LRP2: variants seen among roughly 807,000 people sequenced by gnomAD.
LRP2 encodes the protein LDL receptor related protein 2.
LRP2 carries 172 observed loss-of-function variants against 531.0 expected under a neutral mutation model. The observed-to-expected ratio is 0.32, with a 90% CI of 0.29 to 0.37. LRP2 has a LOEUF of 0.37. Ranked by LOEUF, LRP2 falls within the 10% of genes least tolerant of loss-of-function variation. The pLI, the probability that LRP2 is intolerant of heterozygous loss-of-function variation, is 1.00. For synonymous variants in LRP2, 1,992 were observed against 2,027.6 expected (o/e 0.98, Z 0.47); for missense variants, 5,167 against 5,868.3 (o/e 0.88, Z 3.90).
intron 63 of LRP2, among the ~76,000 whole-genome samples, chr2:169,158,131 G>T (rs11901315): frequency 0.014 from 2,087 of 150,384 alleles, 44 homozygotes; most frequent in African/African-American, 0.047. Context: ...GTTGACCAGG[G>T]TGCAGTAAAA....
intron 65 of LRP2, among the ~76,000 whole-genome samples, chr2:169,155,010 G>A (rs1686280843): frequency 6.6e-6 from 1 of 152,154 alleles, no homozygotes; most frequent in African/African-American, 2.4e-5. Context: ...AAGTTTACCA[G>A]AAAAGTCTCA....
At position 169,154,473 on chromosome 2, in the gene LRP2, C is replaced by T. The variant is rs750609040; in HGVS notation, c.12282G>A (p.Lys4094=). Residue 4094 remains lysine (K), a synonymous_variant, in exon 66 of 79, where the codon AAG becomes AAA. Transcript: ENST00000649046. ...GTTTATACTCACTGAGGCCTATGTC[C>T]TTGGGATCCCAATCATAATCAACAG... The part of the protein sequence containing the change: ...IQAVDYDWDP[K]DIGLSVVYYT... 28 of 1,612,424 alleles carry T rather than the reference C, an allele frequency of 1.7e-5. No homozygotes were observed. In the Admixed American group the frequency reaches 4.7e-4, roughly 27 times the overall value.
chr2:169,266,354 C>T, intron 16 of LRP2, among the ~76,000 whole-genome samples: 1 of 151,990 alleles, frequency 6.6e-6, no homozygotes, highest in East Asian at 1.9e-4. Context: ...CTGTTCCCTC[C>T]CCAGAGCAGG....
At chr2:169,284,357 C>T (rs893090918) in intron 9 of LRP2, among the ~76,000 whole-genome samples, 41 of 146,978 alleles carry the variant, frequency 2.8e-4, no homozygotes, top group Non-Finnish European at 3.4e-4. Context: ...CTCCGCCTCC[C>T]GGGTTCAAGT....
intron 33 of LRP2, among the ~76,000 whole-genome samples, chr2:169,221,792 G>T (rs1049479575): frequency 6.6e-6 from 1 of 151,772 alleles, no homozygotes; most frequent in Non-Finnish European, 1.5e-5. Flanking sequence ...TTGGACTAAG[G>T]TAGCTTTTCT....
rs138070797 is a variant in LRP2 at position 169,226,426 on chromosome 2, T to C, written c.5390A>G (p.Asn1797Ser). ...TGAATGTTATTCAAAACTTACTGGATTTTCAACCCAATAGATGTATTGCTC... is the reference window on the plus strand; with the variant it reads ...TGAATGTTATTCAAAACTTACTGGACTTTCAACCCAATAGATGTATTGCTC... ...DAEQYIYWVE[N>S]PGEIHRVKTD... Residue 1797 changes from asparagine to serine, a missense_variant, in exon 32 of 79, where the codon AAT becomes AGT. Coordinates refer to ENST00000649046, the MANE Select transcript of LRP2 (RefSeq NM_004525.3). 2.8e-3 allele frequency: 4,530 copies of C among 1,612,768 alleles called. 17 individuals are homozygous for C. The highest frequency in any genetic ancestry group is 3.0e-3 in the Non-Finnish European group (3,563 of 1,178,986).
At chr2:169,191,005 A>T (rs778208917) in intron 48 of LRP2, among the ~76,000 whole-genome samples, 3 of 152,244 alleles carry the variant, frequency 2.0e-5, no homozygotes, top group Non-Finnish European at 2.9e-5. Flanking sequence ...ACAATGGAAC[A>T]TTGCAGGAGA....
rs370250402 is a variant in LRP2, at chr2:169,197,763, G to A, written c.8579-733C>T. Among the ~76,000 whole-genome samples, 88 of 152,296 alleles carry A rather than the reference G, an allele frequency of 5.8e-4. 1 individual carries two copies. The highest frequency in any genetic ancestry group is 1.9e-3 in the African/African-American group (81 of 41,574). ...GAAAAGTCAGCAATAATTCCTATCT[G>A]TCTAGCCCTATCTGGTGGCTGCAAC... On this transcript the variant is annotated intron_variant, in intron 45 of 78. Coordinates refer to ENST00000649046, the MANE Select transcript of LRP2 (RefSeq NM_004525.3).
At chr2:169,167,480 G>C (rs1279147785) in intron 61 of LRP2, among the ~76,000 whole-genome samples, 15 of 152,124 alleles carry the variant, frequency 9.9e-5, no homozygotes, top group Non-Finnish European at 1.5e-4. Context: ...TGACACTTTA[G>C]TTTGCATCAG....
chr2:169,137,387 C>T lies in LRP2; in HGVS notation c.13620+5G>A, dbSNP rs868328957. On this transcript the variant is annotated splice_donor_5th_base_variant and intron_variant, in intron 76 of 78. Transcript: ENST00000649046. ...ACTGAAAGAAAAGACTGTATGGTTT[C>T]TCACCTGGATTGGCTGAACCACTTT... The T allele has an allele frequency of 3.1e-5, 50 of 1,599,016 alleles. No homozygotes were observed. The highest frequency in any genetic ancestry group is 4.2e-5 in the Non-Finnish European group (49 of 1,166,358).
intron 4 of LRP2, among the ~76,000 whole-genome samples, chr2:169,299,655 G>T (rs1326742324): frequency 6.6e-6 from 1 of 152,092 alleles, no homozygotes; most frequent in South Asian, 2.1e-4. Context: ...CTTCTAAGGG[G>T]TAAACAAATG....
At chr2:169,297,554 C>T (rs1443473901) in intron 4 of LRP2, among the ~76,000 whole-genome samples, 1 of 152,200 alleles carries the variant, frequency 6.6e-6, no homozygotes, top group East Asian at 1.9e-4. Flanking sequence ...CTTCCTCATA[C>T]CACTCCTTGC....
Position 169,157,221 on chromosome 2 carries a change from T to C in LRP2, c.12019+150A>G. Reference sequence around the variant, plus strand: ...ATGCATGCAGGTGGGGGAAAGCAATTCTTGAGTAGTTTAATGACCTAGAAC... The same window carrying C: ...ATGCATGCAGGTGGGGGAAAGCAATCCTTGAGTAGTTTAATGACCTAGAAC... On this transcript the variant is annotated intron_variant, in intron 64 of 78. Transcript: ENST00000649046. The C allele has an allele frequency of 6.2e-6, 5 of 812,398 alleles. No individual in the cohort carries two copies. The South Asian group carries it at 9.1e-5, about 15-fold the overall frequency. The allele number at this position is 812,398 out of a possible 1,614,324, so 50.3% of individuals were successfully genotyped here. A position where few individuals can be genotyped will look rare whatever the true frequency, so the allele number is the denominator to read the frequency against.
Position 169,137,511 on chromosome 2 carries a change from A to AAGAGAGAG in LRP2, c.13519-26_13519-19dup. 7.8e-7 allele frequency: 1 copy of AAGAGAGAG among 1,275,216 alleles called. No individual in the cohort carries two copies. The highest frequency in any genetic ancestry group is 1.1e-6 in the Non-Finnish European group (1 of 879,044). The allele number at this position is 1,275,216 out of a possible 1,614,324, so 79.0% of individuals were successfully genotyped here. On this transcript the variant is annotated intron_variant, in intron 75 of 78. Transcript: ENST00000649046. The stretch of plus-strand genomic sequence containing the variant: ...TCTTCACTCTGATGGCAGAGACAGA[A>AAGAGAGAG]AGAGAGAGAGAGAGAGAGAGAGAAA...
chr2:169,340,593 C>T (rs1457266272), intron 1 of LRP2, among the ~76,000 whole-genome samples: 2 of 152,136 alleles, frequency 1.3e-5, no homozygotes, highest in African/African-American at 4.8e-5. Context: ...CACTACCTGG[C>T]ATAGAGAAAG....
chr2:169,234,935 G>A (rs1240578451), intron 29 of LRP2, among the ~76,000 whole-genome samples: 1 of 149,824 alleles, frequency 6.7e-6, no homozygotes, highest in African/African-American at 2.4e-5. Context: ...TTGAAAACAG[G>A]GTCTCACTTT....
At chr2:169,194,938 T>A (rs997865004) in intron 46 of LRP2, among the ~76,000 whole-genome samples, 2 of 151,768 alleles carry the variant, frequency 1.3e-5, no homozygotes, top group African/African-American at 4.8e-5. Flanking sequence ...CTCGATCTCT[T>A]GACCTTGTGA....
At chr2:169,223,082 T>C (rs543824300) in intron 33 of LRP2, among the ~76,000 whole-genome samples, 64 of 152,188 alleles carry the variant, frequency 4.2e-4, no homozygotes, top group Non-Finnish European at 6.9e-4. Context: ...ATATCCAGGA[T>C]CAACTGATCC....
intron 1 of LRP2, among the ~76,000 whole-genome samples, chr2:169,342,433 T>C (rs190194124): frequency 4.7e-4 from 72 of 152,282 alleles, no homozygotes; most frequent in African/African-American, 1.7e-3. Flanking sequence ...ACCCAGATAA[T>C]CCCAGTAATC....
Sources: allele counts gnomAD v4.1 joint callset (sites outside exome capture counted in the v4.1 genomes callset), GRCh38; gene constraint gnomAD v4.1.1; transcripts MANE v1.5; gene names NCBI Gene and HGNC (gene_info 2026-07-23, HGNC 2026-07-21).